SORCS2: variants seen among roughly 807,000 people sequenced by gnomAD.
The protein encoded by SORCS2 is VPS10 domain-containing receptor SorCS2.
Under a neutral mutation model 141.6 loss-of-function variants are expected in SORCS2, and 100 were observed. The observed-to-expected ratio is 0.71, with a 90% CI of 0.60 to 0.83. The LOEUF is 0.83. SORCS2 is among the 40% of genes least tolerant of loss of function. The probability of loss-of-function intolerance (pLI) is 0.00; values close to 1 mark genes in which losing one functional copy is unlikely to be tolerated. For missense variants in SORCS2, 1,646 were observed against 1,560.2 expected (o/e 1.05, Z -0.93); for synonymous variants, 789 against 676.9 (o/e 1.17, Z -2.57).
intron 14 of SORCS2, among the ~76,000 whole-genome samples, chr4:7,705,304 G>C (rs755554906): frequency 6.6e-6 from 1 of 152,170 alleles, no homozygotes; most frequent in African/African-American, 2.4e-5. Context: ...CAGCCCTGCC[G>C]ACCCCTGGAT....
intron 3 of SORCS2, among the ~76,000 whole-genome samples, chr4:7,589,517 C>T (rs1716770793): frequency 6.6e-6 from 1 of 152,188 alleles, no homozygotes; most frequent in African/African-American, 2.4e-5. Flanking sequence ...ATTCTTCTGC[C>T]TCAGCCTCCC....
At chr4:7,475,496 G>A (rs1289205392) in intron 2 of SORCS2, among the ~76,000 whole-genome samples, 4 of 152,216 alleles carry the variant, frequency 2.6e-5, no homozygotes, top group African/African-American at 9.7e-5. Context: ...GTCCCAGCCT[G>A]GGAGCAGAGC....
At chr4:7,573,225 A>G (rs542256518) in intron 3 of SORCS2, among the ~76,000 whole-genome samples, 36 of 152,340 alleles carry the variant, frequency 2.4e-4, no homozygotes, top group East Asian at 7.7e-4. Flanking sequence ...CAACTTCAAC[A>G]AGCACACAAG....
In SORCS2 at chr4:7,201,105, G is replaced by A. The variant is rs556190753; in HGVS notation, c.480+7979G>A. ...CGTTCTAGGTGCCGTGTGAATCTGC[G>A]CTGGGGAAGTCTGGGAAGATTTCCT... On this transcript the variant is annotated intron_variant, in intron 1 of 26. Coordinates refer to ENST00000507866, the MANE Select transcript of SORCS2 (RefSeq NM_020777.3). The surrounding 1 kb of genome is among the most constrained non-coding windows in gnomAD (Gnocchi z 4.4). Among the ~76,000 whole-genome samples the A allele has an allele frequency of 2.6e-5, 4 of 152,312 alleles. No homozygotes were observed. Among genetic ancestry groups the A allele is most frequent in the Admixed American group, 1.3e-4 (2 of 15,304 alleles).
chr4:7,513,665 G>A (rs1481894027), intron 2 of SORCS2, among the ~76,000 whole-genome samples: 3 of 152,206 alleles, frequency 2.0e-5, no homozygotes, highest in East Asian at 1.9e-4. Context: ...CAAACCCAGC[G>A]TTCTGCCTCC....
chr4:7,680,583 C>T (rs1400010687), intron 9 of SORCS2, among the ~76,000 whole-genome samples: 1 of 152,256 alleles, frequency 6.6e-6, no homozygotes, highest in Non-Finnish European at 1.5e-5. Flanking sequence ...GCTTCTTCTG[C>T]AGAGAGGAAG....
At chr4:7,670,813 G>A (rs1173198393) in intron 8 of SORCS2, among the ~76,000 whole-genome samples, 1 of 152,198 alleles carries the variant, frequency 6.6e-6, no homozygotes, top group Non-Finnish European at 1.5e-5. Context: ...TGAAGGAGCG[G>A]GAGGGTGCAG....
chr4:7,259,843 G>A (rs1714197158), intron 1 of SORCS2, among the ~76,000 whole-genome samples: 1 of 152,282 alleles, frequency 6.6e-6, no homozygotes, highest in Non-Finnish European at 1.5e-5. Flanking sequence ...TGCTGTGGAT[G>A]AGGTGGAGGA....
intron 3 of SORCS2, among the ~76,000 whole-genome samples, chr4:7,585,470 C>T (rs73214690): frequency 6.6e-5 from 10 of 152,328 alleles, no homozygotes; most frequent in Non-Finnish European, 1.3e-4. Context: ...GTCCCTCCCA[C>T]CACATTTCCG....
intron 1 of SORCS2, among the ~76,000 whole-genome samples, chr4:7,392,918 G>C (rs536580187): frequency 1.3e-5 from 2 of 151,108 alleles, no homozygotes; most frequent in African/African-American, 2.4e-5. Flanking sequence ...GGGGTGCTGC[G>C]AGAGAGTGGA....
intron 4 of SORCS2, among the ~76,000 whole-genome samples, chr4:7,639,402 C>T (rs1463008466): frequency 7.0e-6 from 1 of 143,438 alleles, no homozygotes; most frequent in Non-Finnish European, 1.5e-5. Context: ...CTCCATGCTG[C>T]CTACTGCATA....
chr4:7,366,299 C>T (rs1314113243), intron 1 of SORCS2, among the ~76,000 whole-genome samples: 1 of 151,902 alleles, frequency 6.6e-6, no homozygotes, highest in Non-Finnish European at 1.5e-5. Flanking sequence ...CCTGTGTGGA[C>T]AGTAGTGGCT....
chr4:7,635,933 T>A (rs1199129650), intron 3 of SORCS2, among the ~76,000 whole-genome samples: 1 of 152,214 alleles, frequency 6.6e-6, no homozygotes, highest in African/African-American at 2.4e-5. Flanking sequence ...AAAGAAAGAA[T>A]CTATGGGATC....
At position 7,659,966 on chromosome 4, in the gene SORCS2, T is replaced by G. The variant is rs138452016; in HGVS notation, c.888-1534T>G. 5.4e-3 allele frequency among the ~76,000 whole-genome samples: 823 copies of G among 152,348 alleles called. 6 individuals are homozygous for G. The highest frequency in any genetic ancestry group is 0.019 in the African/African-American group (796 of 41,580). ...TCTTGCTCTACTAGCTTTATGAGCT[T>G]TGATCTGTTTTCACCTGTCTGGGCC... is the stretch of plus-strand genomic sequence containing the variant. On this transcript the variant is annotated intron_variant, in intron 5 of 26. Transcript: ENST00000507866.
At chr4:7,395,219 G>A (rs1211507831) in intron 1 of SORCS2, among the ~76,000 whole-genome samples, 1 of 152,176 alleles carries the variant, frequency 6.6e-6, no homozygotes, top group Non-Finnish European at 1.5e-5. Context: ...AAAGATACTA[G>A]GTCAGCCCAG....
At chr4:7,300,039 T>C (rs990491796) in intron 1 of SORCS2, among the ~76,000 whole-genome samples, 2 of 152,090 alleles carry the variant, frequency 1.3e-5, no homozygotes, top group African/African-American at 4.8e-5. Context: ...ATAAGAAAAC[T>C]AAAGCCTGGC....
chr4:7,421,305 GAT>G (rs1726031450), intron 2 of SORCS2, among the ~76,000 whole-genome samples: 1 of 152,150 alleles, frequency 6.6e-6, no homozygotes, highest in Admixed American at 6.5e-5. Flanking sequence ...GCTCTAGAGG[GAT>G]TGCATGAGAG....
intron 12 of SORCS2, among the ~76,000 whole-genome samples, chr4:7,703,047 G>A (rs530951754): frequency 7.5e-4 from 115 of 152,336 alleles, no homozygotes; most frequent in African/African-American, 2.2e-3. Flanking sequence ...TGTTCAGGTC[G>A]ATAGGGTAGA....
In SORCS2 at chr4:7,714,246, C is replaced by T. The variant is rs779103082; in HGVS notation, c.1996C>T (p.Arg666Cys). The T allele has an allele frequency of 2.4e-5, 38 of 1,610,234 alleles. No homozygotes were observed. Among genetic ancestry groups the T allele is most frequent in the South Asian group, 8.9e-5 (8 of 89,622 alleles). Residue 666 changes from arginine to cysteine, a missense_variant, in exon 16 of 27, where the codon CGC becomes TGC. Arg to Cys is a radical substitution (Grantham distance 180). Transcript: ENST00000507866. The part of the protein sequence containing the change: ...SWELSNLQGD[R>C]CIMGQQRSFR... ...CCTGATGTTCCTGCTGCAGGGCGAC[C>T]GCTGTATCATGGGCCAGCAGAGAAG...
Sources: gnomAD v4.1 joint callset for allele counts (sites outside exome capture counted in the v4.1 genomes callset) on GRCh38, gnomAD v4.1.1 for gene constraint, Gnocchi (gnomAD v3.1) non-coding constraint, MANE v1.5 for transcripts, NCBI Gene and HGNC (gene_info 2026-07-23, HGNC 2026-07-21) for gene names.